Variants in PTPRD observed in about 807,000 individuals in gnomAD.
The protein encoded by PTPRD is protein tyrosine phosphatase receptor type D.
PTPRD carries 34 observed loss-of-function variants against 214.5 expected under a neutral mutation model. The ratio of observed to expected loss-of-function variants is 0.16; its 90% CI spans 0.12 to 0.21. The LOEUF (loss-of-function observed/expected upper bound fraction) is 0.21. PTPRD is among the 10% of genes least tolerant of loss of function. The pLI is 1.00. For synonymous variants in PTPRD, 1,128 were observed against 845.7 expected (o/e 1.33, Z -5.79); for missense variants, 2,545 against 2,398.7 (o/e 1.06, Z -1.27).
chr9:8,933,471 T>C (rs976013508), intron 11 of PTPRD, among the ~76,000 whole-genome samples: 2 of 151,654 alleles, frequency 1.3e-5, no homozygotes, highest in African/African-American at 4.8e-5. Context: ...GTAGCTTACA[T>C]GAGTACATTT....
intron 9 of PTPRD, among the ~76,000 whole-genome samples, chr9:9,334,700 C>T (rs1185084946): frequency 2.6e-5 from 4 of 151,948 alleles, no homozygotes; most frequent in Non-Finnish European, 1.5e-5. Flanking sequence ...TCACTGACCA[C>T]ATTGCCTGGT....
intron 11 of PTPRD, among the ~76,000 whole-genome samples, chr9:8,974,760 T>C (rs1188114335): frequency 6.6e-6 from 1 of 152,014 alleles, no homozygotes; most frequent in Admixed American, 6.6e-5. Context: ...TAGTATATAA[T>C]AGTATATACC....
At chr9:8,579,800 C>T (rs1388880630) in intron 14 of PTPRD, among the ~76,000 whole-genome samples, 1 of 152,126 alleles carries the variant, frequency 6.6e-6, no homozygotes, top group African/African-American at 2.4e-5. Flanking sequence ...GCAGACGTAC[C>T]TTGGAAGGAA....
At chr9:8,727,361 A>G (rs1380988686) in intron 12 of PTPRD, among the ~76,000 whole-genome samples, 1 of 152,216 alleles carries the variant, frequency 6.6e-6, no homozygotes, top group African/African-American at 2.4e-5. Flanking sequence ...AAACTCCACA[A>G]TGAGGCTAAA....
intron 3 of PTPRD, among the ~76,000 whole-genome samples, chr9:10,082,863 A>C (rs78099351): frequency 0.025 from 3,690 of 149,978 alleles, 63 homozygotes; most frequent in Middle Eastern, 0.086. Context: ...ACACACACAC[A>C]CCCTAGATTT....
At chr9:9,503,061 T>C (rs1392928742) in intron 8 of PTPRD, among the ~76,000 whole-genome samples, 1 of 151,818 alleles carries the variant, frequency 6.6e-6, no homozygotes, top group Non-Finnish European at 1.5e-5. Context: ...TGTATTTCAC[T>C]GAAATTTTTT....
chr9:8,643,946 G>T (rs570597958), intron 12 of PTPRD, among the ~76,000 whole-genome samples: 1 of 152,180 alleles, frequency 6.6e-6, no homozygotes, highest in Non-Finnish European at 1.5e-5. Context: ...TGAGTGCTGG[G>T]CTGTCAGCCC....
At chr9:8,604,390 G>A (rs1564657676) in intron 14 of PTPRD, among the ~76,000 whole-genome samples, 3 of 152,272 alleles carry the variant, frequency 2.0e-5, no homozygotes, top group African/African-American at 4.8e-5. Context: ...GGGTGGGAAA[G>A]GAAGAAGACT....
At chr9:9,478,904 C>T (rs2095255944) in intron 8 of PTPRD, among the ~76,000 whole-genome samples, 1 of 152,160 alleles carries the variant, frequency 6.6e-6, no homozygotes, top group Admixed American at 6.5e-5. Flanking sequence ...GCTGCTTTCA[C>T]ATACCGGGAG....
chr9:9,283,808 C>T (rs534092818), intron 9 of PTPRD, among the ~76,000 whole-genome samples: 1 of 151,730 alleles, frequency 6.6e-6, no homozygotes, highest in South Asian at 2.1e-4. Flanking sequence ...TGTATATTGA[C>T]CCTGTGTGAT....
intron 11 of PTPRD, among the ~76,000 whole-genome samples, chr9:8,970,852 T>C (rs2099233489): frequency 6.6e-6 from 1 of 151,706 alleles, no homozygotes; most frequent in Non-Finnish European, 1.5e-5. Flanking sequence ...TCTGAAGACA[T>C]ACTTCTGAGT....
At chr9:9,308,201 T>A (rs1171881226) in intron 9 of PTPRD, among the ~76,000 whole-genome samples, 1 of 152,120 alleles carries the variant, frequency 6.6e-6, no homozygotes, top group African/African-American at 2.4e-5. Flanking sequence ...ACCTACCTAA[T>A]CCTCAGATTG....
intron 11 of PTPRD, chr9:8,862,283 G>C (rs903510682): frequency 6.6e-6 from 1 of 152,288 alleles, no homozygotes; most frequent in Non-Finnish European, 1.5e-5. Context: ...TTGAACCCAG[G>C]AGGTGGAGGT....
intron 35 of PTPRD, among the ~76,000 whole-genome samples, chr9:8,422,150 A>G (rs1384212151): frequency 6.9e-6 from 1 of 145,828 alleles, no homozygotes; most frequent in Admixed American, 6.8e-5. Context: ...CTGTCTCCAA[A>G]AAAAAAAAAA....
At chr9:8,863,367 GA>G (rs1308948020) in intron 11 of PTPRD, among the ~76,000 whole-genome samples, 1 of 152,198 alleles carries the variant, frequency 6.6e-6, no homozygotes, top group Non-Finnish European at 1.5e-5. Context: ...CAACCCAAGT[GA>G]AACACTGGGT....
chr9:9,101,398 T>C (rs759998544), intron 10 of PTPRD, among the ~76,000 whole-genome samples: 2 of 152,070 alleles, frequency 1.3e-5, no homozygotes, highest in East Asian at 1.9e-4. Flanking sequence ...GGCAGCTCTA[T>C]AAAAATACAC....
intron 2 of PTPRD, among the ~76,000 whole-genome samples, chr9:10,503,560 G>T (rs544630106): frequency 3.9e-5 from 6 of 152,102 alleles, no homozygotes; most frequent in East Asian, 3.9e-4. Flanking sequence ...ATTATTTTGG[G>T]TACTTTATCT....
intron 14 of PTPRD, among the ~76,000 whole-genome samples, chr9:8,537,597 A>G (rs1235765349): frequency 6.6e-6 from 1 of 152,058 alleles, no homozygotes; most frequent in African/African-American, 2.4e-5. Flanking sequence ...GATTTCTCAT[A>G]GAATTATGCC....
intron 2 of PTPRD, among the ~76,000 whole-genome samples, chr9:10,385,429 C>A (rs1430632301): frequency 1.3e-5 from 2 of 151,662 alleles, no homozygotes; most frequent in East Asian, 3.9e-4. Flanking sequence ...ATATCTCATT[C>A]ATTTATTCAG....
Sources: allele counts gnomAD v4.1 joint callset (sites outside exome capture counted in the v4.1 genomes callset), GRCh38; gene constraint gnomAD v4.1.1; transcripts MANE v1.5; gene names NCBI Gene and HGNC (gene_info 2026-07-23, HGNC 2026-07-21).